The following AFG2A variants were observed in gnomAD, a reference collection of about 807,000 sequenced individuals.
The protein encoded by AFG2A is ATPase family gene 2 protein homolog A.
chr4:122,940,324 C>G, the AFG2A span, among the ~76,000 whole-genome samples: 19 of 152,258 alleles, frequency 1.2e-4, no homozygotes, highest in East Asian at 1.7e-3. Context: ...GATTGCCATT[C>G]TAACTGGTGT....
At chr4:123,056,250 A>G in the AFG2A span, 1 of 746,430 alleles carries the variant, frequency 1.3e-6, no homozygotes, top group Non-Finnish European at 2.0e-6. Context: ...ACAAACAGAG[A>G]AAATAAGCAT....
the AFG2A span, among the ~76,000 whole-genome samples, chr4:123,077,097 G>C: frequency 1.3e-5 from 2 of 148,810 alleles, no homozygotes; most frequent in Non-Finnish European, 3.0e-5. Context: ...GCCCAGGCTG[G>C]AGTGCAGTGG....
chr4:123,244,508 G>A, the AFG2A span, among the ~76,000 whole-genome samples: 6 of 152,288 alleles, frequency 3.9e-5, no homozygotes, highest in African/African-American at 9.6e-5. Flanking sequence ...TGTGGTGCCC[G>A]TTCAAGTTAC....
the AFG2A span, among the ~76,000 whole-genome samples, chr4:123,248,632 T>A: frequency 6.6e-6 from 1 of 152,142 alleles, no homozygotes. Context: ...AGGAAAGGGT[T>A]ATGAATTGAG....
the AFG2A span, among the ~76,000 whole-genome samples, chr4:122,960,259 CA>C: frequency 5.3e-5 from 8 of 152,120 alleles, no homozygotes; most frequent in Non-Finnish European, 1.0e-4. Flanking sequence ...TTAATTCCCT[CA>C]AAATTTATAA....
chr4:123,317,528 A>G, the AFG2A span: 6 of 152,134 alleles, frequency 3.9e-5, no homozygotes, highest in Non-Finnish European at 8.8e-5. Context: ...AATTGGTACA[A>G]CCACTTTGGA....
At chr4:122,929,978 T>G in the AFG2A span, among the ~76,000 whole-genome samples, 1 of 152,180 alleles carries the variant, frequency 6.6e-6, no homozygotes, top group Non-Finnish European at 1.5e-5. Flanking sequence ...CATTGATGCA[T>G]ATTTAGCAGT....
At chr4:123,217,111 TA>T in the AFG2A span, among the ~76,000 whole-genome samples, 1 of 152,232 alleles carries the variant, frequency 6.6e-6, no homozygotes, top group Non-Finnish European at 1.5e-5. Flanking sequence ...TGGTATTTAC[TA>T]GCAGTATGAC....
chr4:123,051,220 G>A, the AFG2A span, among the ~76,000 whole-genome samples: 29 of 151,264 alleles, frequency 1.9e-4, no homozygotes, highest in African/African-American at 6.5e-4. Flanking sequence ...TTTTTCTCTG[G>A]TAGCATGTTT....
chr4:123,170,548 T>A, the AFG2A span, among the ~76,000 whole-genome samples: 1,857 of 152,266 alleles, frequency 0.012, 36 homozygotes, highest in African/African-American at 0.042. Context: ...CTTTTAAATG[T>A]GCTATTACCT....
chr4:123,176,023 A>C, the AFG2A span, among the ~76,000 whole-genome samples: 1 of 152,176 alleles, frequency 6.6e-6, no homozygotes, highest in Admixed American at 6.5e-5. Context: ...GAAAGTGGGC[A>C]TTGTACTGGA....
chr4:123,066,911 GT>G, the AFG2A span, among the ~76,000 whole-genome samples: 2 of 152,044 alleles, frequency 1.3e-5, no homozygotes, highest in Non-Finnish European at 2.9e-5. Context: ...AGTTCTATGA[GT>G]TTTTTTATTT....
At chr4:123,052,404 C>T in the AFG2A span, among the ~76,000 whole-genome samples, 35 of 152,274 alleles carry the variant, frequency 2.3e-4, no homozygotes, top group African/African-American at 8.4e-4. Context: ...ATTTTGAATT[C>T]CTTGTCTGAA....
the AFG2A span, among the ~76,000 whole-genome samples, chr4:122,998,068 G>C: frequency 6.6e-6 from 1 of 151,990 alleles, no homozygotes; most frequent in African/African-American, 2.4e-5. Flanking sequence ...TATGTTATTT[G>C]CACATTTATT....
chr4:123,240,531 C>T, the AFG2A span, among the ~76,000 whole-genome samples: 2 of 152,198 alleles, frequency 1.3e-5, no homozygotes, highest in African/African-American at 4.8e-5. Context: ...CCCTGAATGA[C>T]TACTGAGTAA....
the AFG2A span, among the ~76,000 whole-genome samples, chr4:123,014,224 T>A: frequency 6.6e-6 from 1 of 152,190 alleles, no homozygotes; most frequent in Non-Finnish European, 1.5e-5. Context: ...GCAGTTTTCT[T>A]AAATATTCAA....
chr4:123,051,136 AT>A, the AFG2A span, among the ~76,000 whole-genome samples: 6,152 of 146,912 alleles, frequency 0.042, 400 homozygotes, highest in African/African-American at 0.14. Flanking sequence ...ATTTCGATAC[AT>A]TTTTTTTTTG....
the AFG2A span, among the ~76,000 whole-genome samples, chr4:123,089,703 G>A: frequency 6.6e-6 from 1 of 151,986 alleles, no homozygotes; most frequent in Non-Finnish European, 1.5e-5. Flanking sequence ...TCATGCTGCG[G>A]CCTCCTGAGT....
chr4:123,221,794 G>C, the AFG2A span, among the ~76,000 whole-genome samples: 2 of 151,930 alleles, frequency 1.3e-5, no homozygotes, highest in Admixed American at 6.6e-5. Context: ...AGGCATAGTG[G>C]CACGTGCTTG....
Sources: gnomAD v4.1 joint callset for allele counts (sites outside exome capture counted in the v4.1 genomes callset) on GRCh38, gnomAD v4.1.1 for gene constraint, MANE v1.5 for transcripts, NCBI Gene and HGNC (gene_info 2026-07-23, HGNC 2026-07-21) for gene names.